The following PARG variants were observed in gnomAD, a reference collection of about 807,000 sequenced individuals.
The protein encoded by PARG is poly(ADP-ribose) glycohydrolase, also known as mitochondrial poly(ADP-ribose) glycohydrolase.
PARG carries 35 observed loss-of-function variants against 113.0 expected under a neutral mutation model. The observed-to-expected ratio is 0.31, with a 90% CI of 0.24 to 0.41. PARG has a LOEUF of 0.41. PARG is among the 10% of genes least tolerant of loss of function. The pLI, the probability that PARG is intolerant of heterozygous loss-of-function variation, is 1.00. For synonymous variants in PARG, 330 were observed against 409.9 expected, an observed-to-expected ratio of 0.81 and a Z score of 2.36; for missense variants, 797 against 1,169.4, an observed-to-expected ratio of 0.68 and a Z score of 4.64.
At chr10:49,830,878 A>C (rs1422507129) in intron 16 of PARG, among the ~76,000 whole-genome samples, 1 of 152,222 alleles carries the variant, frequency 6.6e-6, no homozygotes, top group East Asian at 1.9e-4. Context: ...AATTACACAT[A>C]ATATATATAA....
At chr10:49,890,291 T>A (rs1285465664) in intron 7 of PARG, among the ~76,000 whole-genome samples, 7 of 152,198 alleles carry the variant, frequency 4.6e-5, no homozygotes, top group African/African-American at 1.7e-4. Flanking sequence ...AACTTTTTAT[T>A]CTAGTCCCAC....
intron 7 of PARG, among the ~76,000 whole-genome samples, chr10:49,894,614 A>G (rs1847985996): frequency 6.6e-6 from 1 of 152,050 alleles, no homozygotes; most frequent in Admixed American, 6.5e-5. Context: ...CGCCAACACC[A>G]TTTGTTGAAA....
chr10:49,869,274 C>T (rs1176970622), intron 10 of PARG, among the ~76,000 whole-genome samples: 1 of 152,066 alleles, frequency 6.6e-6, no homozygotes, highest in Non-Finnish European at 1.5e-5. Context: ...TATGTAAACC[C>T]CGCCCCCCTA....
Position 49,941,577 on chromosome 10 carries a change from A to T in PARG, c.149T>A (p.Val50Asp). The change falls in exon 1 of 18, where the codon GTC becomes GAC. Residue 50 changes from valine (V) to aspartate (D), a missense_variant. Physicochemically the swap from Val to Asp is radical, Grantham distance 152 (BLOSUM62 -3). Around this residue, in one of 5 missense-constraint regions of PARG, gnomAD observed 284 missense variants for 306.1 expected, o/e 0.93. Coordinates refer to ENST00000616448, the MANE Select transcript of PARG (RefSeq NM_003631.5). ...DPKDAHVQFRVPPSSPACVPG... is the reference protein window; with the variant it reads ...DPKDAHVQFRDPPSSPACVPG... ...GACGCAGGCTGGCGAGGACGGTGGGACCCTGAACTGCACGTGAGCGTCCTT... is the reference window on the plus strand; with the variant it reads ...GACGCAGGCTGGCGAGGACGGTGGGTCCCTGAACTGCACGTGAGCGTCCTT... The T allele has an allele frequency of 6.4e-7, 1 of 1,563,936 alleles. No individual in the cohort carries two copies.
chr10:49,908,689 T>C (rs1289898107), intron 7 of PARG: 1 of 152,136 alleles, frequency 6.6e-6, no homozygotes, highest in Non-Finnish European at 1.5e-5. Context: ...AGAAAACAGA[T>C]TATCTACGAA....
At position 49,935,135 on chromosome 10, in the gene PARG, T is replaced by C; in HGVS notation, c.225A>G (p.Lys75=). The C allele has an allele frequency of 1.3e-6, 1 of 761,194 alleles. No individual in the cohort carries two copies. Among genetic ancestry groups the C allele is most frequent in the African/African-American group, 1.7e-5 (1 of 57,242 alleles). 47.2% of individuals were successfully genotyped at this position (761,194 alleles called of 1,614,324 possible). A position where few individuals can be genotyped will look rare whatever the true frequency, so the allele number is the denominator to read the frequency against. ...CCATCCAACTGGTAATAGTCTTTTG[T>C]TTGAAAACTATAAAAAAAAATGTAT... ...HRGSATSLVF[K]QKTITSWMDT... Residue 75 remains lysine, a synonymous_variant, in exon 2 of 18, where the codon AAA becomes AAG. Coordinates refer to ENST00000616448, the MANE Select transcript of PARG (RefSeq NM_003631.5).
intron 7 of PARG, among the ~76,000 whole-genome samples, chr10:49,886,358 G>C (rs1847485240): frequency 6.6e-6 from 1 of 152,226 alleles, no homozygotes; most frequent in South Asian, 2.1e-4. Context: ...CAGGGTATGT[G>C]TGTAAATAGA....
intron 9 of PARG, among the ~76,000 whole-genome samples, chr10:49,878,210 G>A (rs1204368977): frequency 1.4e-5 from 2 of 144,620 alleles, no homozygotes; most frequent in Non-Finnish European, 1.5e-5. Flanking sequence ...CTTCAAAACT[G>A]TCAAGATCAC....
intron 4 of PARG, among the ~76,000 whole-genome samples, chr10:49,927,674 A>G (rs1488462786): frequency 2.0e-5 from 3 of 152,156 alleles, no homozygotes; most frequent in Non-Finnish European, 2.9e-5. Flanking sequence ...AGAAATGTCT[A>G]TGGAGTCAAA....
chr10:49,828,331 A>T (rs1387210948), intron 16 of PARG, among the ~76,000 whole-genome samples: 1 of 152,202 alleles, frequency 6.6e-6, no homozygotes, highest in Non-Finnish European at 1.5e-5. Context: ...TAAATCAGCT[A>T]AAACTTCAAT....
chr10:49,889,830 C>T (rs1400915785), intron 7 of PARG, among the ~76,000 whole-genome samples: 4 of 152,170 alleles, frequency 2.6e-5, no homozygotes, highest in Non-Finnish European at 5.9e-5. Flanking sequence ...TGTACTTCTT[C>T]ACAACTGTCA....
At chr10:49,903,482 A>C (rs1317679784) in intron 7 of PARG, among the ~76,000 whole-genome samples, 1 of 151,890 alleles carries the variant, frequency 6.6e-6, no homozygotes, top group Non-Finnish European at 1.5e-5. Flanking sequence ...TCAGTTCAAG[A>C]AACATTAACT....
intron 4 of PARG, among the ~76,000 whole-genome samples, chr10:49,923,551 G>A (rs1477593183): frequency 1.3e-5 from 2 of 151,954 alleles, no homozygotes; most frequent in African/African-American, 4.8e-5. Context: ...CATGAGCAGG[G>A]CAGGACAGGG....
chr10:49,851,781 CA>C (rs782455561), intron 13 of PARG, among the ~76,000 whole-genome samples: 4,029 of 81,926 alleles, frequency 0.049, 88 homozygotes, highest in African/African-American at 0.12. Context: ...TAAGAGAAGA[CA>C]AAAAAAAAAA....
chr10:49,936,685 A>G (rs1401128831), intron 1 of PARG, among the ~76,000 whole-genome samples: 4 of 152,196 alleles, frequency 2.6e-5, no homozygotes, highest in African/African-American at 9.6e-5. Context: ...CTAAATTGCA[A>G]TGTAAGAATC....
chr10:49,821,061 C>A (rs976963868), intron 16 of PARG, among the ~76,000 whole-genome samples: 2 of 152,062 alleles, frequency 1.3e-5, no homozygotes, highest in Non-Finnish European at 2.9e-5. Flanking sequence ...GGGGAGCACA[C>A]CTGCGTCCCT....
intron 16 of PARG, among the ~76,000 whole-genome samples, chr10:49,830,965 G>A (rs1554830171): frequency 6.6e-6 from 1 of 152,042 alleles, no homozygotes; most frequent in African/African-American, 2.4e-5. Flanking sequence ...AATAAATTAT[G>A]GTACATATGT....
intron 16 of PARG, 115 bp downstream of exon 16, chr10:49,832,682 ATTCCTT>A: frequency 1.8e-6 from 1 of 568,920 alleles, no homozygotes; most frequent in Non-Finnish European, 3.2e-6. Flanking sequence ...AGTGTTAAAT[ATTCCTT>A]TTCCTTTTCT....
At chr10:49,892,365 T>C (rs1313512496) in intron 7 of PARG, among the ~76,000 whole-genome samples, 2 of 152,192 alleles carry the variant, frequency 1.3e-5, no homozygotes, top group Admixed American at 1.3e-4. Flanking sequence ...CCCAAACTTC[T>C]TCTGAGAACT....
Sources: gnomAD v4.1 joint callset for allele counts (sites outside exome capture counted in the v4.1 genomes callset) on GRCh38, gnomAD v4.1.1 for gene constraint, gnomAD v4.1.1 regional missense constraint, MANE v1.5 for transcripts, NCBI Gene and HGNC (gene_info 2026-07-23, HGNC 2026-07-21) for gene names.